The following TCERG1L variants were observed in gnomAD, a reference collection of about 807,000 sequenced individuals.
TCERG1L encodes transcription elongation regulator 1 like.
TCERG1L carries 37 observed loss-of-function variants against 56.3 expected under a neutral mutation model. The ratio of observed to expected loss-of-function variants is 0.66; its 90% CI spans 0.51 to 0.87. The LOEUF (loss-of-function observed/expected upper bound fraction) is 0.87, where lower values mean the gene tolerates loss of function less well. Among genes scored for constraint, TCERG1L ranks in the 40% least tolerant of loss-of-function variants. TCERG1L has a pLI of 0.00. For synonymous variants in TCERG1L, 324 were observed against 326.3 expected (o/e 0.99, Z 0.08); for missense variants, 799 against 774.2 (o/e 1.03, Z -0.38).
chr10:131,209,323 A>G (rs1266038596), intron 4 of TCERG1L, among the ~76,000 whole-genome samples: 1 of 152,176 alleles, frequency 6.6e-6, no homozygotes, highest in Non-Finnish European at 1.5e-5. Context: ...TCTGACAAAG[A>G]AGCCGAAGTC....
chr10:131,301,401 C>T (rs940440743), intron 3 of TCERG1L, among the ~76,000 whole-genome samples: 4 of 151,910 alleles, frequency 2.6e-5, no homozygotes. Flanking sequence ...ATTCCTGCAA[C>T]CAAATTAACA....
intron 3 of TCERG1L, among the ~76,000 whole-genome samples, chr10:131,265,120 T>C (rs1023882070): frequency 1.3e-5 from 2 of 152,124 alleles, no homozygotes; most frequent in African/African-American, 4.8e-5. Flanking sequence ...TGGCCTTTCA[T>C]AATGAGTGAA....
intron 4 of TCERG1L, among the ~76,000 whole-genome samples, chr10:131,219,535 C>T (rs947214406): frequency 2.6e-5 from 4 of 152,168 alleles, no homozygotes; most frequent in East Asian, 3.9e-4. Flanking sequence ...GCTGAGTGAC[C>T]GTCCACAAAG....
intron 6 of TCERG1L, among the ~76,000 whole-genome samples, chr10:131,151,824 C>T (rs1478971436): frequency 6.6e-6 from 1 of 152,212 alleles, no homozygotes; most frequent in Non-Finnish European, 1.5e-5. Context: ...TCCATACTTC[C>T]TCTAAAATCT....
Position 131,118,203 on chromosome 10 carries a change from G to T in TCERG1L, c.1260-1269C>A, listed in dbSNP as rs1112225. 0.19 allele frequency among the ~76,000 whole-genome samples: 28,717 copies of T among 152,148 alleles called. 3,158 individuals are homozygous for T. Among genetic ancestry groups the T allele is most frequent in the East Asian group, 0.55 (2,818 of 5,148 alleles). The stretch of plus-strand genomic sequence containing the variant: ...AGCCAGCAATCATGAAGAGCAGTCC[G>T]CTCACAAGCAGTGGCTTAGGGCCTC... On this transcript the variant is annotated intron_variant, in intron 8 of 11. Coordinates refer to ENST00000368642, the MANE Select transcript of TCERG1L (RefSeq NM_174937.4). This position sits in a 1 kb window ranked among gnomAD's most constrained non-coding sequence, Gnocchi z 4.2.
At chr10:131,158,197 G>A (rs1845943490) in intron 6 of TCERG1L, among the ~76,000 whole-genome samples, 1 of 152,200 alleles carries the variant, frequency 6.6e-6, no homozygotes, top group African/African-American at 2.4e-5. Context: ...GCTCCTGCAG[G>A]GAATGGGAGA....
chr10:131,186,602 G>A (rs911981760), intron 4 of TCERG1L, among the ~76,000 whole-genome samples: 2 of 152,170 alleles, frequency 1.3e-5, no homozygotes, highest in African/African-American at 4.8e-5. Context: ...GTTATAGAAA[G>A]AAAAAGAAAA....
rs1845795899 is a variant in TCERG1L at position 131,146,496 on chromosome 10, G to T, written c.1189+10C>A. 6.2e-7 allele frequency: 1 copy of T among 1,602,868 alleles called. No individual in the cohort carries two copies. Among genetic ancestry groups the T allele is most frequent in the Non-Finnish European group, 8.5e-7 (1 of 1,172,652 alleles). On this transcript the variant is annotated intron_variant, in intron 7 of 11. Coordinates refer to ENST00000368642, the MANE Select transcript of TCERG1L (RefSeq NM_174937.4). Reference sequence around the variant, plus strand: ...TCAAAGGAGGTGTAAATAACCCAGGGCTTAGTTACTTGCTGGTGCCTCCAG... The same window carrying T: ...TCAAAGGAGGTGTAAATAACCCAGGTCTTAGTTACTTGCTGGTGCCTCCAG...
At chr10:131,282,407 G>A (rs1410194481) in intron 3 of TCERG1L, among the ~76,000 whole-genome samples, 1 of 141,450 alleles carries the variant, frequency 7.1e-6, no homozygotes, top group Non-Finnish European at 1.6e-5. Flanking sequence ...AAAATGTGTA[G>A]TGGTTGCTGA....
chr10:131,304,107 A>G (rs1478055017), intron 3 of TCERG1L, among the ~76,000 whole-genome samples: 1 of 151,954 alleles, frequency 6.6e-6, no homozygotes, highest in African/African-American at 2.4e-5. Flanking sequence ...TGTTTTGCCC[A>G]TCATGGTGTC....
At chr10:131,171,802 C>A (rs1157296182) in intron 4 of TCERG1L, among the ~76,000 whole-genome samples, 1 of 152,198 alleles carries the variant, frequency 6.6e-6, no homozygotes, top group Non-Finnish European at 1.5e-5. Flanking sequence ...AACTCCTGAC[C>A]TCAGGTGATC....
At chr10:131,099,620 G>C (rs1433775445) in intron 10 of TCERG1L, among the ~76,000 whole-genome samples, 1 of 152,062 alleles carries the variant, frequency 6.6e-6, no homozygotes, top group Non-Finnish European at 1.5e-5. Context: ...AGAAAGCAAG[G>C]GTGGGCAGGT....
At chr10:131,223,016 C>T (rs1311643853) in intron 4 of TCERG1L, among the ~76,000 whole-genome samples, 2 of 152,198 alleles carry the variant, frequency 1.3e-5, no homozygotes, top group African/African-American at 4.8e-5. Flanking sequence ...CTGATGGTGA[C>T]TTTTCCCTTC....
chr10:131,278,856 A>C (rs1269741003), intron 3 of TCERG1L, among the ~76,000 whole-genome samples: 1 of 152,254 alleles, frequency 6.6e-6, no homozygotes, highest in East Asian at 1.9e-4. Flanking sequence ...TCCTGGGCTC[A>C]TGGGGCCTCG....
chr10:131,093,330 A>T lies in TCERG1L; in HGVS notation c.1605-12T>A, dbSNP rs769211374. ...CCTTAAACGTGGTCCTGAAAAAGAAAGAGTTTCCTGAGACACCTTCCAGAG... is the reference window on the plus strand; with the variant it reads ...CCTTAAACGTGGTCCTGAAAAAGAATGAGTTTCCTGAGACACCTTCCAGAG... On this transcript the variant is annotated splice_polypyrimidine_tract_variant and intron_variant, in intron 11 of 11. Coordinates refer to ENST00000368642, the MANE Select transcript of TCERG1L (RefSeq NM_174937.4). 1 of 1,589,612 alleles carries T rather than the reference A, an allele frequency of 6.3e-7. No homozygotes were observed. The highest frequency in any genetic ancestry group is 8.6e-7 in the Non-Finnish European group (1 of 1,163,594).
chr10:131,222,408 C>T (rs999568549), intron 4 of TCERG1L, among the ~76,000 whole-genome samples: 1 of 152,202 alleles, frequency 6.6e-6, no homozygotes, highest in Admixed American at 6.5e-5. Flanking sequence ...GTGTCAACTT[C>T]TAGAGCAAAA....
chr10:131,177,559 T>C (rs1845116865), intron 4 of TCERG1L, among the ~76,000 whole-genome samples: 1 of 152,240 alleles, frequency 6.6e-6, no homozygotes, highest in Non-Finnish European at 1.5e-5. Flanking sequence ...TGTCCCGAAG[T>C]GCAGCATGCC....
chr10:131,254,714 A>T (rs1846149961), intron 4 of TCERG1L, among the ~76,000 whole-genome samples: 1 of 152,214 alleles, frequency 6.6e-6, no homozygotes, highest in South Asian at 2.1e-4. Context: ...AGGAGGCATC[A>T]GGCAAAAGGA....
At chr10:131,250,492 C>T (rs113680601) in intron 4 of TCERG1L, among the ~76,000 whole-genome samples, 2,051 of 131,032 alleles carry the variant, frequency 0.016, 49 homozygotes, top group African/African-American at 0.057. Context: ...GGAATGGTGG[C>T]CGGTATATCC....
Sources: gnomAD v4.1 joint callset for allele counts (sites outside exome capture counted in the v4.1 genomes callset) on GRCh38, gnomAD v4.1.1 for gene constraint, Gnocchi (gnomAD v3.1) non-coding constraint, MANE v1.5 for transcripts, NCBI Gene and HGNC (gene_info 2026-07-23, HGNC 2026-07-21) for gene names.